MYT1L: variants seen among roughly 807,000 people sequenced by gnomAD.
MYT1L encodes the protein myelin transcription factor 1-like protein.
A neutral mutation model predicts 126.7 loss-of-function variants in MYT1L; 12 were observed. That is an observed-to-expected ratio of 0.09 (90% confidence interval 0.06 to 0.15). The LOEUF (loss-of-function observed/expected upper bound fraction) is 0.15, where lower values mean the gene tolerates loss of function less well. Ranked by LOEUF, MYT1L falls within the 10% of genes least tolerant of loss-of-function variation. The pLI, the probability that MYT1L is intolerant of heterozygous loss-of-function variation, is 1.00. For synonymous variants in MYT1L, 541 were observed against 604.2 expected, an observed-to-expected ratio of 0.90 and a Z score of 1.53; for missense variants, 979 against 1,585.2, an observed-to-expected ratio of 0.62 and a Z score of 6.49.
intron 3 of MYT1L, among the ~76,000 whole-genome samples, chr2:2,150,219 G>C (rs892946965): frequency 6.6e-6 from 1 of 152,248 alleles, no homozygotes; most frequent in East Asian, 1.9e-4. Flanking sequence ...GCAAGATACC[G>C]TAAGGCTCTC....
At chr2:1,859,686 A>C (rs1056435727) in intron 18 of MYT1L, among the ~76,000 whole-genome samples, 2 of 152,224 alleles carry the variant, frequency 1.3e-5, no homozygotes, top group African/African-American at 4.8e-5. Context: ...AATATTGGCC[A>C]GGGGATTTAC....
chr2:1,813,303 GCTT>G (rs34192964), intron 21 of MYT1L, among the ~76,000 whole-genome samples: 85,194 of 151,600 alleles, frequency 0.56, 23,884 homozygotes, highest in Middle Eastern at 0.65. Flanking sequence ...CCAGGTCTGT[GCTT>G]CTTTCTCCCT....
intron 1 of MYT1L, among the ~76,000 whole-genome samples, chr2:2,284,842 T>C (rs1206308121): frequency 6.6e-6 from 1 of 152,106 alleles, no homozygotes; most frequent in Non-Finnish European, 1.5e-5. Flanking sequence ...TAGCTGGCAC[T>C]ACAGGCATGC....
intron 9 of MYT1L, among the ~76,000 whole-genome samples, chr2:1,928,168 G>C (rs528746715): frequency 6.6e-6 from 1 of 152,166 alleles, no homozygotes; most frequent in Non-Finnish European, 1.5e-5. Context: ...GCCCAGGCTC[G>C]TCTCAAAGTG....
chr2:2,140,260 A>G (rs1425243322), intron 3 of MYT1L, among the ~76,000 whole-genome samples: 1 of 152,170 alleles, frequency 6.6e-6, no homozygotes, highest in Admixed American at 6.5e-5. Flanking sequence ...TAGCAAATTT[A>G]AAATTTTTTA....
At chr2:2,006,510 T>A (rs2063345570) in intron 4 of MYT1L, among the ~76,000 whole-genome samples, 1 of 152,168 alleles carries the variant, frequency 6.6e-6, no homozygotes, top group African/African-American at 2.4e-5. Flanking sequence ...TTGACTTATA[T>A]CTCCCCATCA....
chr2:1,848,345 C>T lies in MYT1L; in HGVS notation c.2774+3296G>A, dbSNP rs764107874. Among the ~76,000 whole-genome samples the T allele has an allele frequency of 1.1e-4, 16 of 149,062 alleles. No homozygotes were observed. The highest frequency in any genetic ancestry group is 2.0e-4 in the Admixed American group (3 of 15,054). On this transcript the variant is annotated intron_variant, in intron 19 of 24. Transcript: ENST00000647738. This position sits in a 1 kb window ranked among gnomAD's most constrained non-coding sequence, Gnocchi z 4.8. ...AAGAATTCCAGACACCACGGAAGCG[C>T]GAGGCGTTTGTCCTGGGAGCAGGAG...
intron 9 of MYT1L, among the ~76,000 whole-genome samples, chr2:1,925,569 T>A (rs965608836): frequency 1.3e-5 from 2 of 152,068 alleles, no homozygotes; most frequent in African/African-American, 4.8e-5. Context: ...CCCGACAAAA[T>A]TAAAACAAAA....
chr2:2,204,969 G>T (rs867790386), intron 2 of MYT1L, among the ~76,000 whole-genome samples: 3 of 151,720 alleles, frequency 2.0e-5, no homozygotes, highest in African/African-American at 4.8e-5. Context: ...GTAGGGACAT[G>T]GATGAAGCTG....
rs185030518 is a variant in MYT1L, at chr2:2,315,162, G to C, written c.-521+15805C>G. 9.2e-5 allele frequency among the ~76,000 whole-genome samples: 14 copies of C among 152,218 alleles called. No homozygotes were observed. In the East Asian group the frequency reaches 2.1e-3, roughly 23 times the overall value. ...TGTCAACTGTCCCTGAAAACTTTTG[G>C]GGGAATTGTTGATATTATAACCTTT... On this transcript the variant is annotated intron_variant, in intron 1 of 24. Transcript: ENST00000647738.
intron 3 of MYT1L, among the ~76,000 whole-genome samples, chr2:2,148,795 A>T (rs1370058603): frequency 6.6e-6 from 1 of 152,164 alleles, no homozygotes; most frequent in Non-Finnish European, 1.5e-5. Flanking sequence ...AAGTTAGTGC[A>T]CAGCATGAGC....
chr2:1,962,627 ACTT>A (rs1390320995), intron 8 of MYT1L, among the ~76,000 whole-genome samples: 3 of 152,176 alleles, frequency 2.0e-5, no homozygotes, highest in Non-Finnish European at 2.9e-5. Flanking sequence ...CCACAGTAGA[ACTT>A]CTTTCAAAAT....
intron 2 of MYT1L, among the ~76,000 whole-genome samples, chr2:2,214,080 C>A (rs1239808223): frequency 6.6e-6 from 1 of 151,520 alleles, no homozygotes; most frequent in Non-Finnish European, 1.5e-5. Flanking sequence ...CATATTAGAC[C>A]TTGCAGAAAG....
At position 1,922,620 on chromosome 2, in the gene MYT1L, C is replaced by A. The variant is rs1219154972; in HGVS notation, c.1149G>T (p.Met383Ile). Residue 383 changes from methionine (M) to isoleucine (I), a missense_variant, in exon 10 of 25, where the codon ATG becomes ATT. Met to Ile is a conservative substitution (Grantham distance 10). Coordinates refer to ENST00000647738, the MANE Select transcript of MYT1L (RefSeq NM_001303052.2). This position sits in a 1 kb window ranked among gnomAD's most constrained non-coding sequence, Gnocchi z 7.4. Reference sequence around the variant, plus strand: ...GGGGGCTCAACTGCTCCTCCAGCCGCATGAGGTTCAGCATGTCCGAGTAGT... The same window carrying A: ...GGGGGCTCAACTGCTCCTCCAGCCGAATGAGGTTCAGCATGTCCGAGTAGT... The part of the protein sequence containing the change: ...DRNYSDMLNL[M>I]RLEEQLSPRS... 6.2e-7 allele frequency: 1 copy of A among 1,613,876 alleles called. No individual in the cohort carries two copies. Among genetic ancestry groups the A allele is most frequent in the East Asian group, 2.2e-5 (1 of 44,892 alleles).
intron 5 of MYT1L, among the ~76,000 whole-genome samples, chr2:1,984,531 A>G (rs1276281687): frequency 8.4e-6 from 1 of 119,494 alleles, no homozygotes; most frequent in Non-Finnish European, 1.6e-5. Context: ...TTTTTTTGAG[A>G]CAGAGTCTTG....
chr2:2,137,464 A>G (rs1324739210), intron 3 of MYT1L, among the ~76,000 whole-genome samples: 3 of 152,216 alleles, frequency 2.0e-5, no homozygotes, highest in Admixed American at 1.3e-4. Flanking sequence ...AGTCACCAAA[A>G]CAGCATGGTA....
At chr2:1,836,664 T>C (rs67017483) in intron 21 of MYT1L, among the ~76,000 whole-genome samples, 63,387 of 146,708 alleles carry the variant, frequency 0.43, 14,306 homozygotes, top group East Asian at 0.67. Flanking sequence ...TTCATCAGCC[T>C]GTACCCCAAG....
chr2:2,190,840 C>T (rs1382995067), intron 2 of MYT1L, among the ~76,000 whole-genome samples: 1 of 152,164 alleles, frequency 6.6e-6, no homozygotes, highest in Admixed American at 6.5e-5. Flanking sequence ...GGCTGGAGTG[C>T]AGTGGCACAA....
At chr2:2,074,108 A>C (rs1028488042) in intron 3 of MYT1L, among the ~76,000 whole-genome samples, 9 of 152,230 alleles carry the variant, frequency 5.9e-5, no homozygotes, top group African/African-American at 2.2e-4. Context: ...ACATAAATAA[A>C]ATAAATCAAT....
Sources: gnomAD v4.1 joint callset for allele counts (sites outside exome capture counted in the v4.1 genomes callset) on GRCh38, gnomAD v4.1.1 for gene constraint, Gnocchi (gnomAD v3.1) non-coding constraint, MANE v1.5 for transcripts, NCBI Gene and HGNC (gene_info 2026-07-23, HGNC 2026-07-21) for gene names.